BRCA1: variants seen among roughly 807,000 people sequenced by gnomAD.
BRCA1 encodes the protein breast cancer type 1 susceptibility protein.
In BRCA1, 140 loss-of-function variants were observed where a neutral mutation model predicts 173.7. The observed-to-expected ratio is 0.81, with a 90% CI of 0.70 to 0.93. The LOEUF (loss-of-function observed/expected upper bound fraction) is 0.93. Among genes scored for constraint, BRCA1 ranks in the 40% least tolerant of loss-of-function variants. BRCA1 has a pLI of 0.00. For synonymous variants in BRCA1, 662 were observed against 756.0 expected (o/e 0.88, Z 2.04); for missense variants, 1,983 against 2,172.5 (o/e 0.91, Z 1.73).
intron 1 of BRCA1, chr17:43,153,677 C>T (rs2154581630): frequency 6.6e-6 from 1 of 152,288 alleles, no homozygotes; most frequent in Admixed American, 6.5e-5. Context: ...TCCCATCAGT[C>T]TCTCTGATTC....
intron 9 of BRCA1, 142 bp downstream of exon 9, chr17:43,095,704 G>A: frequency 1.4e-6 from 1 of 739,254 alleles, no homozygotes; most frequent in East Asian, 2.7e-5. Flanking sequence ...CACGACATTT[G>A]ACAGAGAATG....
At chr17:43,146,299 C>CTTTTTTTTT (rs774223347) in intron 1 of BRCA1, among the ~76,000 whole-genome samples, 1 of 76,114 alleles carries the variant, frequency 1.3e-5, no homozygotes, top group Non-Finnish European at 2.3e-5. Flanking sequence ...ATTTTTGTTA[C>CTTTTTTTTT]TTTTTTTTTT....
chr17:43,067,741 C>T (rs2153723117), intron 15 of BRCA1, 46 bp from the exon 16 acceptor site: 2 of 1,457,080 alleles, frequency 1.4e-6, no homozygotes, highest in East Asian at 2.3e-5. Flanking sequence ...ACCTCTAGCA[C>T]ACAGCTCAGA....
At chr17:43,125,562 A>T (rs2055845045), upstream of BRCA1, 2 of 308,802 alleles carry the variant, frequency 6.5e-6, no homozygotes, top group Admixed American at 8.7e-5. Flanking sequence ...CCCCCGGATG[A>T]CGTAAAAGGA....
intron 1 of BRCA1, 148 bp downstream of exon 1, chr17:43,125,123 C>CCTTCAAAG: frequency 2.2e-6 from 1 of 452,366 alleles, no homozygotes; most frequent in Non-Finnish European, 4.4e-6. Context: ...CCCCCCTCCC[C>CCTTCAAAG]AGGGTTCACA....
chr17:43,120,402 T>C (rs1449293745), intron 2 of BRCA1, among the ~76,000 whole-genome samples: 1 of 152,234 alleles, frequency 6.6e-6, no homozygotes, highest in Non-Finnish European at 1.5e-5. Context: ...TACTGTACTA[T>C]ATTAAAAGGA....
chr17:43,169,874 T>G (rs1049604945), intron 1 of BRCA1: 2 of 363,746 alleles, frequency 5.5e-6, no homozygotes, highest in African/African-American at 2.2e-5. Context: ...GCAGTCACGT[T>G]TTTTTCCCCC....
chr17:43,141,936 G>A (rs2056078616), intron 1 of BRCA1, among the ~76,000 whole-genome samples: 1 of 152,210 alleles, frequency 6.6e-6, no homozygotes, highest in South Asian at 2.1e-4. Context: ...TCTTGAGATG[G>A]AGTCTTGCTC....
At chr17:43,123,770 G>A (rs921607280) in intron 2 of BRCA1, among the ~76,000 whole-genome samples, 11 of 152,242 alleles carry the variant, frequency 7.2e-5, no homozygotes, top group South Asian at 2.1e-4. Context: ...TCAAGACAGA[G>A]TCCCTGTCTT....
Position 43,093,355 on chromosome 17 carries a change from G to A in BRCA1, c.2176C>T (p.Leu726Phe), listed in dbSNP as rs2053811444. ...SELKEFVNPS[L>F]PREEKEEKLE... ...TTCTCTTCTTTTTCTTCTCTTGGAAGGCTAGGATTGACAAATTCTTTAAGT... is the reference window on the plus strand; with the variant it reads ...TTCTCTTCTTTTTCTTCTCTTGGAAAGCTAGGATTGACAAATTCTTTAAGT... The change falls in exon 10 of 23, where the codon CTT becomes TTT. Residue 726 changes from leucine to phenylalanine, a missense_variant. Leu to Phe is a conservative substitution (Grantham distance 22). Transcript: ENST00000357654. 1.9e-6 allele frequency: 3 copies of A among 1,613,726 alleles called. No individual in the cohort carries two copies. Among genetic ancestry groups the A allele is most frequent in the Non-Finnish European group, 2.5e-6 (3 of 1,179,952 alleles).
At chr17:43,130,828 A>AT (rs2055958931) in intron 1 of BRCA1, among the ~76,000 whole-genome samples, 1 of 152,168 alleles carries the variant, frequency 6.6e-6, no homozygotes, top group African/African-American at 2.4e-5. Context: ...AAGTCTTCCC[A>AT]TTTTTTGTGC....
At chr17:43,133,728 G>A (rs1477103255) in intron 1 of BRCA1, among the ~76,000 whole-genome samples, 6 of 149,834 alleles carry the variant, frequency 4.0e-5, no homozygotes, top group East Asian at 2.0e-4. Context: ...TCCGCCTCCC[G>A]GGTTCAAGCA....
rs1282963652 is a variant in BRCA1 at position 43,094,120 on chromosome 17, G to A, written c.1411C>T (p.Leu471Phe). ...TCAGTTACATGGCTTAAGTTGGGGAGGCTTGCCTTCTTCCGATAGGTTTTC... is the reference window on the plus strand; with the variant it reads ...TCAGTTACATGGCTTAAGTTGGGGAAGCTTGCCTTCTTCCGATAGGTTTTC... Reference protein sequence around the residue: ...FGKTYRKKASLPNLSHVTENL... With the variant: ...FGKTYRKKASFPNLSHVTENL... Residue 471 changes from leucine to phenylalanine, a missense_variant, in exon 10 of 23, where the codon CTC (leucine) becomes TTC (phenylalanine). Transcript: ENST00000357654. 6.2e-7 allele frequency: 1 copy of A among 1,614,038 alleles called. No homozygotes were observed. Among genetic ancestry groups the A allele is most frequent in the East Asian group, 2.2e-5 (1 of 44,878 alleles).
chr17:43,169,945 C>T, intron 1 of BRCA1: 1 of 464,448 alleles, frequency 2.2e-6, no homozygotes, highest in South Asian at 1.6e-5. Flanking sequence ...GCAAACAAGC[C>T]AGGCCAAAAA....
rs560864310 is a variant in BRCA1, at chr17:43,060,621, GCTGGGATTACAGGCA to G, written c.5193+2697_5193+2711del. Among the ~76,000 whole-genome samples the G allele has an allele frequency of 2.6e-3, 392 of 151,904 alleles. 6 individuals are homozygous for G. Among genetic ancestry groups the G allele is most frequent in the Non-Finnish European group, 8.7e-4 (59 of 67,972 alleles). On this transcript the variant is annotated intron_variant, in intron 18 of 22. Coordinates refer to ENST00000357654, the MANE Select transcript of BRCA1 (RefSeq NM_007294.4). ...TTCTCCTGCCTCAGCCTCTGGAGTAGCTGGGATTACAGGCACTGGGATTACAGGCACACACCACCA... is the reference window on the plus strand; with the variant it reads ...TTCTCCTGCCTCAGCCTCTGGAGTAGCTGGGATTACAGGCACACACCACCA...
At chr17:43,155,270 A>T (rs757395649) in intron 1 of BRCA1, among the ~76,000 whole-genome samples, 8 of 152,052 alleles carry the variant, frequency 5.3e-5, no homozygotes, top group Non-Finnish European at 1.2e-4. Context: ...CCTGGGTTCA[A>T]GTGATTCTCC....
intron 16 of BRCA1, among the ~76,000 whole-genome samples, chr17:43,066,115 C>T (rs978823338): frequency 1.3e-5 from 2 of 152,160 alleles, no homozygotes; most frequent in African/African-American, 4.8e-5. Flanking sequence ...AGAGCCTCTG[C>T]TTGTGTTAAT....
At chr17:43,169,727 GC>G (rs1389426166) in intron 1 of BRCA1, among the ~76,000 whole-genome samples, 1 of 151,796 alleles carries the variant, frequency 6.6e-6, no homozygotes, top group Non-Finnish European at 1.5e-5. Flanking sequence ...CATCCCTTGG[GC>G]CCCTGTCCCT....
In BRCA1 at chr17:43,169,241, C is replaced by T. The variant is rs369704158; in HGVS notation, c.-20+885G>A. Among the ~76,000 whole-genome samples the T allele has an allele frequency of 2.6e-5, 4 of 152,130 alleles. No individual in the cohort carries two copies. The East Asian group carries it at 7.7e-4, about 29-fold the overall frequency. ...CCACCCAGGCTGGAGTGCAATGGCG[C>T]GATCTCGGCTCACTGCAACCTCCGC... On this transcript the variant is annotated intron_variant, in intron 1 of 7. Coordinates refer to the BRCA1 transcript ENST00000634433.
Sources: allele counts gnomAD v4.1 joint callset (sites outside exome capture counted in the v4.1 genomes callset), GRCh38; gene constraint gnomAD v4.1.1; transcripts MANE v1.5; gene names NCBI Gene and HGNC (gene_info 2026-07-23, HGNC 2026-07-21).